The following IL1RAPL2 variants were observed in gnomAD, a reference collection of about 807,000 sequenced individuals.
IL1RAPL2 encodes interleukin 1 receptor accessory protein like 2.
In IL1RAPL2, 3 loss-of-function variants were observed where a neutral mutation model predicts 44.1. The ratio of observed to expected loss-of-function variants is 0.07; its 90% confidence interval spans 0.03 to 0.18. IL1RAPL2 has a LOEUF of 0.18. IL1RAPL2 is among the 10% of genes least tolerant of loss of function. IL1RAPL2 has a pLI of 1.00. For synonymous variants in IL1RAPL2, 181 were observed against 178.8 expected, an observed-to-expected ratio of 1.01 and a Z score of -0.10; for missense variants, 391 against 496.4, an observed-to-expected ratio of 0.79 and a Z score of 2.02.
chrX:105,535,962 A>T, intron 6 of IL1RAPL2, among the ~76,000 whole-genome samples: 1 of 111,951 alleles, frequency 8.9e-6, no homozygotes, highest in East Asian at 2.8e-4. Flanking sequence ...ACAGTAAATT[A>T]AAAATTCACT....
intron 2 of IL1RAPL2, among the ~76,000 whole-genome samples, chrX:105,095,552 A>G (rs1231752991): frequency 8.9e-6 from 1 of 112,052 alleles, no homozygotes; most frequent in Middle Eastern, 4.2e-3. Flanking sequence ...TCATATATCT[A>G]TGTCAATTTT....
chrX:104,620,704 A>G (rs1406163736), intron 1 of IL1RAPL2, among the ~76,000 whole-genome samples: 1 of 97,546 alleles, frequency 1.0e-5, no homozygotes, highest in Non-Finnish European at 2.0e-5. Flanking sequence ...GCCATCTTGG[A>G]AGACAGTAAT....
At chrX:105,155,907 C>T (rs943131503) in intron 2 of IL1RAPL2, among the ~76,000 whole-genome samples, 11 of 111,336 alleles carry the variant, frequency 9.9e-5, no homozygotes, top group Admixed American at 2.9e-4. Flanking sequence ...GCTTCCTCCT[C>T]TAAGAGTACT....
intron 2 of IL1RAPL2, among the ~76,000 whole-genome samples, chrX:104,915,164 T>A (rs1258120791): frequency 2.7e-5 from 3 of 111,533 alleles, no homozygotes; most frequent in Non-Finnish European, 5.7e-5. Context: ...ATGGTTGAAC[T>A]AGTTTACAGT....
intron 5 of IL1RAPL2, among the ~76,000 whole-genome samples, chrX:105,350,388 G>A (rs2035143070): frequency 8.9e-6 from 1 of 112,519 alleles, no homozygotes; most frequent in Admixed American, 9.4e-5. Flanking sequence ...AATGAAGTCA[G>A]TGTTCCATAA....
At chrX:105,040,115 C>T (rs367596446) in intron 2 of IL1RAPL2, among the ~76,000 whole-genome samples, 2 of 111,084 alleles carry the variant, frequency 1.8e-5, no homozygotes, top group African/African-American at 6.6e-5. Flanking sequence ...TGTCAAAGGC[C>T]TTTTCTGCAT....
chrX:105,747,513 T>TATATATATATATCA (rs2038557018), intron 8 of IL1RAPL2, among the ~76,000 whole-genome samples: 1 of 57,804 alleles, frequency 1.7e-5, no homozygotes, highest in African/African-American at 5.0e-5. Context: ...TGTGTGTGTG[T>TATATATATATATCA]GTGTATATAT....
chrX:104,637,796 GTGTGTC>G (rs1375944970), intron 1 of IL1RAPL2, among the ~76,000 whole-genome samples: 2 of 108,935 alleles, frequency 1.8e-5, no homozygotes, highest in African/African-American at 6.8e-5. Context: ...GTGTGTGTGT[GTGTGTC>G]TGTGTGTGTG....
chrX:105,713,999 G>C (rs1166917730), intron 6 of IL1RAPL2, among the ~76,000 whole-genome samples: 1 of 111,157 alleles, frequency 9.0e-6, no homozygotes, highest in African/African-American at 3.3e-5. Flanking sequence ...TGAATACCTT[G>C]CTGCGTTGAT....
chrX:104,716,224 C>T (rs917208041), intron 2 of IL1RAPL2, among the ~76,000 whole-genome samples: 8 of 111,443 alleles, frequency 7.2e-5, no homozygotes, highest in Non-Finnish European at 1.1e-4. Context: ...AAATGACTAA[C>T]GATATGCAGA....
At chrX:104,897,417 C>A (rs1053893029) in intron 2 of IL1RAPL2, among the ~76,000 whole-genome samples, 1 of 111,883 alleles carries the variant, frequency 8.9e-6, no homozygotes, top group Non-Finnish European at 1.9e-5. Context: ...CCATTGTTCC[C>A]AGAGACAGAA....
chrX:105,270,024 C>T (rs998876619), intron 5 of IL1RAPL2, among the ~76,000 whole-genome samples: 2 of 111,581 alleles, frequency 1.8e-5, no homozygotes, highest in East Asian at 2.8e-4. Flanking sequence ...TTGAATACCT[C>T]GCAGAGGATC....
chrX:105,486,888 C>T (rs1256168568), intron 6 of IL1RAPL2, among the ~76,000 whole-genome samples: 6 of 108,817 alleles, frequency 5.5e-5, no homozygotes, highest in Admixed American at 9.9e-5. Flanking sequence ...GTCAGGAGAT[C>T]GAGACCATCC....
chrX:105,427,409 T>C (rs2035818501), intron 5 of IL1RAPL2, among the ~76,000 whole-genome samples: 2 of 112,016 alleles, frequency 1.8e-5, no homozygotes, highest in East Asian at 5.6e-4. Flanking sequence ...CTGAGAAGGA[T>C]TTTTCCAAAT....
At chrX:105,310,884 C>G (rs2034791774) in intron 5 of IL1RAPL2, among the ~76,000 whole-genome samples, 1 of 111,709 alleles carries the variant, frequency 9.0e-6, no homozygotes, top group Non-Finnish European at 1.9e-5. Flanking sequence ...TTAATCTAAT[C>G]ATTCTACCAA....
At chrX:105,175,942 G>T (rs945719166) in intron 2 of IL1RAPL2, among the ~76,000 whole-genome samples, 2 of 110,410 alleles carry the variant, frequency 1.8e-5, no homozygotes, top group African/African-American at 6.6e-5. Flanking sequence ...ATTTAGTTAT[G>T]ACCTGAATTA....
intron 2 of IL1RAPL2, among the ~76,000 whole-genome samples, chrX:104,834,126 T>G (rs968958384): frequency 2.7e-5 from 3 of 111,934 alleles, no homozygotes; most frequent in African/African-American, 9.7e-5. Context: ...TCCCTAATGC[T>G]AATCCCAACT....
chrX:104,832,842 CTATT>C (rs1299534537), intron 2 of IL1RAPL2, among the ~76,000 whole-genome samples: 1 of 111,253 alleles, frequency 9.0e-6, no homozygotes, highest in Non-Finnish European at 1.9e-5. Flanking sequence ...AAAGGTATAT[CTATT>C]TATATACATG....
chrX:105,075,171 T>C (rs1322280519), intron 2 of IL1RAPL2, among the ~76,000 whole-genome samples: 14 of 111,483 alleles, frequency 1.3e-4, no homozygotes, highest in Non-Finnish European at 2.3e-4. Flanking sequence ...TGATATTGGC[T>C]GTGGGTTTGT....
Sources: gnomAD v4.1 joint callset for allele counts (sites outside exome capture counted in the v4.1 genomes callset) on GRCh38, gnomAD v4.1.1 for gene constraint, MANE v1.5 for transcripts, NCBI Gene and HGNC (gene_info 2026-07-23, HGNC 2026-07-21) for gene names.